LAMA2: variants seen among roughly 807,000 people sequenced by gnomAD.
LAMA2 encodes the protein laminin subunit alpha 2, also known as laminin subunit alpha-2.
Under a neutral mutation model 364.8 loss-of-function variants are expected in LAMA2, and 269 were observed. The ratio of observed to expected loss-of-function variants is 0.74; its 90% CI spans 0.67 to 0.82. LAMA2 has a LOEUF of 0.82. LAMA2 is among the 40% of genes least tolerant of loss of function. The pLI is 0.00. For synonymous variants in LAMA2, 1,379 were observed against 1,370.6 expected, an observed-to-expected ratio of 1.01 and a Z score of -0.14; for missense variants, 3,807 against 3,873.2, an observed-to-expected ratio of 0.98 and a Z score of 0.45.
At chr6:129,209,710 A>C (rs1782954725) in intron 12 of LAMA2, among the ~76,000 whole-genome samples, 1 of 152,152 alleles carries the variant, frequency 6.6e-6, no homozygotes, top group African/African-American at 2.4e-5. Flanking sequence ...TTTATTTAAA[A>C]TGTTTATTAT....
intron 12 of LAMA2, among the ~76,000 whole-genome samples, chr6:129,246,531 C>A (rs367543365): frequency 8.5e-5 from 13 of 152,224 alleles, no homozygotes; most frequent in African/African-American, 3.1e-4. Context: ...GTAGATAGAT[C>A]CTAGAGGCAT....
chr6:129,475,540 T>G, intron 53 of LAMA2, 139 bp downstream of exon 53: 1 of 623,144 alleles, frequency 1.6e-6, no homozygotes, highest in East Asian at 2.9e-5. Flanking sequence ...AAGCCGTGCA[T>G]TCTGTGAGAG....
chr6:128,901,770 C>A (rs940754355), intron 1 of LAMA2, among the ~76,000 whole-genome samples: 1 of 152,126 alleles, frequency 6.6e-6, no homozygotes, highest in Non-Finnish European at 1.5e-5. Flanking sequence ...AATATTAATT[C>A]TCAAGTCTTA....
At chr6:129,269,387 T>G (rs1197633500) in intron 16 of LAMA2, among the ~76,000 whole-genome samples, 2 of 151,482 alleles carry the variant, frequency 1.3e-5, no homozygotes, top group Non-Finnish European at 2.9e-5. Context: ...TTATTTCCAT[T>G]ATATAGGTTG....
intron 12 of LAMA2, among the ~76,000 whole-genome samples, chr6:129,231,548 A>G (rs113864529): frequency 4.6e-5 from 7 of 152,282 alleles, no homozygotes; most frequent in African/African-American, 1.7e-4. Flanking sequence ...GTTTTACAAT[A>G]TTACATTCTG....
In LAMA2 at chr6:129,059,866, TTA is replaced by T; in HGVS notation, c.368_369del (p.Tyr123CysfsTer22). 6.3e-7 allele frequency: 1 copy of T among 1,599,638 alleles called. No homozygotes were observed. The highest frequency in any genetic ancestry group is 8.6e-7 in the Non-Finnish European group (1 of 1,166,822). ...GTATTAAGAATGGAATCGAATACCA[TTA>T]TGTGACAATTACCCTGGATTTACAG... is the stretch of plus-strand genomic sequence containing the variant. Reference protein sequence around the residue: ...PSIKNGIEYHYVTITLDLQQV... With the variant: ...PSIKNGIEYHXVTITLDLQQV... On this transcript the variant is annotated frameshift_variant, in exon 3 of 65. Coordinates refer to ENST00000421865, the MANE Select transcript of LAMA2 (RefSeq NM_000426.4). LOFTEE classifies it high-confidence loss of function.
chr6:129,475,705 CA>C (rs1453521370), intron 53 of LAMA2, among the ~76,000 whole-genome samples: 4 of 152,040 alleles, frequency 2.6e-5, no homozygotes, highest in Non-Finnish European at 5.9e-5. Flanking sequence ...AGCACACACT[CA>C]AAAGGCAGCT....
chr6:129,426,586 A>G (rs908057726), intron 40 of LAMA2, among the ~76,000 whole-genome samples: 3 of 152,102 alleles, frequency 2.0e-5, no homozygotes, highest in African/African-American at 7.2e-5. Context: ...TTTTCTGGAG[A>G]ATAATTTGCC....
At chr6:128,929,257 A>T in intron 1 of LAMA2, 1 of 1,418,134 alleles carries the variant, frequency 7.1e-7, no homozygotes, top group Non-Finnish European at 1.0e-6. Context: ...AGAGACCGTC[A>T]ATGGCTAAGT....
chr6:129,223,042 G>T (rs886841005), intron 12 of LAMA2, among the ~76,000 whole-genome samples: 3 of 152,176 alleles, frequency 2.0e-5, no homozygotes, highest in Non-Finnish European at 4.4e-5. Flanking sequence ...AGTCTAACTG[G>T]TGTAGGATGG....
chr6:129,160,324 T>C (rs1404816674), intron 8 of LAMA2, among the ~76,000 whole-genome samples: 4 of 152,114 alleles, frequency 2.6e-5, no homozygotes, highest in Non-Finnish European at 5.9e-5. Context: ...TTTGATATAT[T>C]GTATTTTTCA....
rs141773436 is a variant in LAMA2 at position 129,477,327 on chromosome 6, A to G, written c.7452-1366A>G. On this transcript the variant is annotated intron_variant, in intron 53 of 64. Transcript: ENST00000421865. ...CAGAAAACAGACAATATCCATCATC[A>G]CAGGAAGTTCTGTGGAATAGCACTG... Among the ~76,000 whole-genome samples, 775 of 152,344 alleles carry G rather than the reference A, an allele frequency of 5.1e-3. 4 individuals are homozygous for G. Among genetic ancestry groups the G allele is most frequent in the African/African-American group, 0.017 (711 of 41,584 alleles).
intron 9 of LAMA2, among the ~76,000 whole-genome samples, chr6:129,169,491 C>T (rs1361616078): frequency 6.6e-6 from 1 of 150,868 alleles, no homozygotes; most frequent in African/African-American, 2.4e-5. Flanking sequence ...TTGAACCAGC[C>T]TTGCATCCCA....
At chr6:129,368,282 G>A (rs1777884601) in intron 33 of LAMA2, among the ~76,000 whole-genome samples, 1 of 152,236 alleles carries the variant, frequency 6.6e-6, no homozygotes, top group South Asian at 2.1e-4. Context: ...ACAGGGAGAA[G>A]GCAGCTGTGC....
intron 1 of LAMA2, among the ~76,000 whole-genome samples, chr6:128,990,416 T>C (rs1415805883): frequency 6.6e-6 from 1 of 152,188 alleles, no homozygotes; most frequent in Non-Finnish European, 1.5e-5. Context: ...AAAACATACA[T>C]CTTCAAATAC....
chr6:129,275,081 A>C (rs1788210304), intron 17 of LAMA2, among the ~76,000 whole-genome samples: 1 of 152,038 alleles, frequency 6.6e-6, no homozygotes, highest in African/African-American at 2.4e-5. Flanking sequence ...TTTTTGAAAG[A>C]ATGAAACTCA....
chr6:129,491,655 A>C (rs1037122710), intron 56 of LAMA2, among the ~76,000 whole-genome samples: 1 of 152,244 alleles, frequency 6.6e-6, no homozygotes, highest in Middle Eastern at 3.2e-3. Context: ...TGTCAGCTCT[A>C]CAAGAGGCTA....
chr6:129,189,150 T>G (rs576388158), intron 10 of LAMA2, among the ~76,000 whole-genome samples: 7 of 152,150 alleles, frequency 4.6e-5, no homozygotes, highest in African/African-American at 1.7e-4. Context: ...GAACAATCTT[T>G]GAGCAATACT....
intron 16 of LAMA2, among the ~76,000 whole-genome samples, chr6:129,270,084 G>C (rs1787811823): frequency 6.6e-6 from 1 of 152,022 alleles, no homozygotes; most frequent in Admixed American, 6.6e-5. Context: ...GTAGTGCATT[G>C]TCCAAACCAT....
Sources: allele counts gnomAD v4.1 joint callset (sites outside exome capture counted in the v4.1 genomes callset), GRCh38; gene constraint gnomAD v4.1.1; transcripts MANE v1.5; gene names NCBI Gene and HGNC (gene_info 2026-07-23, HGNC 2026-07-21).